GABRB3: variants seen among roughly 807,000 people sequenced by gnomAD.
GABRB3 encodes gamma-aminobutyric acid type A receptor subunit beta3.
Under a neutral mutation model 52.1 loss-of-function variants are expected in GABRB3, and 14 were observed. That is an observed-to-expected ratio of 0.27 (90% CI 0.18 to 0.42). The LOEUF (loss-of-function observed/expected upper bound fraction) is 0.42, where lower values mean the gene tolerates loss of function less well. Among genes scored for constraint, GABRB3 ranks in the 10% least tolerant of loss-of-function variants. The pLI is 1.00. For synonymous variants in GABRB3, 260 were observed against 232.3 expected (o/e 1.12, Z -1.08); for missense variants, 307 against 609.1 (o/e 0.50, Z 5.22).
rs1890264388 is a variant in GABRB3, at chr15:26,568,496, CTTTCTTTT to C, written c.683-771_683-764del. ...GCCTTTTCTGTCTTATTTTGTTTTCCTTTCTTTTTTTTTTTTTTTGAGATGGAGTCTCG... is the reference window on the plus strand; with the variant it reads ...GCCTTTTCTGTCTTATTTTGTTTTCCTTTTTTTTTTTGAGATGGAGTCTCG... On this transcript the variant is annotated intron_variant, in intron 6 of 8. Transcript: ENST00000311550. Among the ~76,000 whole-genome samples the C allele has an allele frequency of 6.7e-5, 7 of 104,498 alleles. No homozygotes were observed. The Admixed American group carries it at 8.0e-4, about 12-fold the overall frequency. The allele number at this position is 104,498 out of a possible 152,430, so 68.6% of individuals were successfully genotyped here.
chr15:26,671,042 C>A (rs1447922655), intron 3 of GABRB3, among the ~76,000 whole-genome samples: 14 of 152,148 alleles, frequency 9.2e-5, no homozygotes, highest in African/African-American at 1.2e-4. Flanking sequence ...CCATGCCTGG[C>A]TAATCTATGA....
chr15:26,751,308 C>T (rs1337936559), intron 3 of GABRB3, among the ~76,000 whole-genome samples: 1 of 152,146 alleles, frequency 6.6e-6, no homozygotes, highest in Non-Finnish European at 1.5e-5. Context: ...CATCAACTGG[C>T]AACAATTACA....
intron 3 of GABRB3, among the ~76,000 whole-genome samples, chr15:26,733,976 A>C (rs777047766): frequency 1.3e-5 from 2 of 151,338 alleles, no homozygotes; most frequent in Non-Finnish European, 2.9e-5. Flanking sequence ...ACAAAAATTA[A>C]CTCAAAATAG....
At chr15:26,734,233 G>A (rs1038325877) in intron 3 of GABRB3, among the ~76,000 whole-genome samples, 36 of 151,812 alleles carry the variant, frequency 2.4e-4, no homozygotes, top group African/African-American at 6.0e-4. Flanking sequence ...GTTTCTTCAC[G>A]TTGGTCAGGC....
At chr15:26,692,126 C>T (rs947840558) in intron 3 of GABRB3, among the ~76,000 whole-genome samples, 3 of 152,200 alleles carry the variant, frequency 2.0e-5, no homozygotes, top group African/African-American at 7.2e-5. Context: ...TTCAATACTT[C>T]TCACATTGAT....
intron 3 of GABRB3, among the ~76,000 whole-genome samples, chr15:26,738,444 C>T (rs1345533149): frequency 6.6e-6 from 1 of 152,170 alleles, no homozygotes; most frequent in Non-Finnish European, 1.5e-5. Flanking sequence ...CCTGAGAGAA[C>T]CTTTGTCCCT....
At chr15:26,756,718 TG>T (rs11339439) in intron 3 of GABRB3, among the ~76,000 whole-genome samples, 141,039 of 152,260 alleles carry the variant, frequency 0.93, 65,390 homozygotes, top group East Asian at 1. Flanking sequence ...TAAAAACCCA[TG>T]GGGTGTACAG....
intron 8 of GABRB3, among the ~76,000 whole-genome samples, chr15:26,549,263 G>A (rs1040206388): frequency 3.9e-5 from 6 of 152,214 alleles, no homozygotes; most frequent in African/African-American, 1.2e-4. Flanking sequence ...AGCAGGAGGT[G>A]AGGTGGTGAG....
intron 3 of GABRB3, among the ~76,000 whole-genome samples, chr15:26,763,717 A>C (rs1156265490): frequency 2.0e-5 from 3 of 152,124 alleles, no homozygotes; most frequent in East Asian, 3.8e-4. Context: ...TATTCAAAAA[A>C]ATAAAATTTA....
intron 4 of GABRB3, chr15:26,615,246 G>C (rs372826850): frequency 4.1e-6 from 4 of 979,244 alleles, no homozygotes; most frequent in South Asian, 4.7e-5. Context: ...TAGTCTCTTA[G>C]TCAGCCAAGA....
intron 3 of GABRB3, among the ~76,000 whole-genome samples, chr15:26,757,444 G>C (rs1890694603): frequency 6.6e-6 from 1 of 152,166 alleles, no homozygotes; most frequent in South Asian, 2.1e-4. Context: ...ATGTGGCCTT[G>C]AGGACTTATG....
In GABRB3 at chr15:26,665,199, T is replaced by A. The variant is rs1887672198; in HGVS notation, c.241-43665A>T. Among the ~76,000 whole-genome samples the A allele has an allele frequency of 2.0e-5, 3 of 152,352 alleles. No homozygotes were observed. The East Asian group carries it at 5.8e-4, about 29-fold the overall frequency. On this transcript the variant is annotated intron_variant, in intron 3 of 8. Coordinates refer to ENST00000311550, the MANE Select transcript of GABRB3 (RefSeq NM_000814.6). ...CTATCACTAGATCTTATTCATTGTA[T>A]CCATCTGTATGTTTCTACCTGTTAA... is the stretch of plus-strand genomic sequence containing the variant.
intron 3 of GABRB3, among the ~76,000 whole-genome samples, chr15:26,711,918 G>A (rs1889310106): frequency 1.3e-5 from 2 of 152,230 alleles, no homozygotes. Flanking sequence ...TTTGGAAACA[G>A]GAAGAGCTCT....
In GABRB3 at chr15:26,615,146, A is replaced by G. The variant is rs184841434; in HGVS notation, c.461+6168T>C. The G allele has an allele frequency of 1.2e-4, 39 of 323,238 alleles. 1 individual carries two copies. In the East Asian group the frequency reaches 5.6e-3, roughly 47 times the overall value. The allele number at this position is 323,238 out of a possible 1,614,324, so 20.0% of individuals were successfully genotyped here. Reference sequence around the variant, plus strand: ...AAAAAGAAAGTTAGGAAAAGGGATGATAACTCTGCCTTTTTACAAATAGAA... The same window carrying G: ...AAAAAGAAAGTTAGGAAAAGGGATGGTAACTCTGCCTTTTTACAAATAGAA... On this transcript the variant is annotated intron_variant, in intron 4 of 8. Transcript: ENST00000311550.
intron 3 of GABRB3, chr15:26,624,696 T>C: frequency 1.0e-6 from 1 of 984,008 alleles, no homozygotes; most frequent in South Asian, 4.7e-5. Context: ...TGATCAGCCA[T>C]GTATGGCAAG....
At chr15:26,640,466 G>A (rs1364118086) in intron 3 of GABRB3, among the ~76,000 whole-genome samples, 2 of 152,022 alleles carry the variant, frequency 1.3e-5, no homozygotes, top group South Asian at 2.1e-4. Context: ...GCAGTGAGCC[G>A]AGATCACGCC....
intron 3 of GABRB3, among the ~76,000 whole-genome samples, chr15:26,691,856 G>T (rs956149303): frequency 6.6e-6 from 1 of 152,106 alleles, no homozygotes; most frequent in African/African-American, 2.4e-5. Context: ...GCAGCTCATG[G>T]ATCTTACAAA....
intron 3 of GABRB3, among the ~76,000 whole-genome samples, chr15:26,638,978 G>C (rs1893126297): frequency 6.6e-6 from 1 of 152,080 alleles, no homozygotes; most frequent in African/African-American, 2.4e-5. Context: ...GATTCTAGTG[G>C]ATGTCAATAT....
chr15:26,568,864 G>A (rs72700072), intron 6 of GABRB3, among the ~76,000 whole-genome samples: 40,223 of 151,844 alleles, frequency 0.26, 6,732 homozygotes, highest in Non-Finnish European at 0.38. Flanking sequence ...TTCCCCGTTT[G>A]TTTCAATAGG....
Sources: allele counts gnomAD v4.1 joint callset (sites outside exome capture counted in the v4.1 genomes callset), GRCh38; gene constraint gnomAD v4.1.1; transcripts MANE v1.5; gene names NCBI Gene and HGNC (gene_info 2026-07-23, HGNC 2026-07-21).